The following ADAM32 variants were observed in gnomAD, a reference collection of about 807,000 sequenced individuals.
ADAM32 encodes the protein ADAM metallopeptidase domain 32.
In ADAM32, 89 loss-of-function variants were observed where a neutral mutation model predicts 114.9. The ratio of observed to expected loss-of-function variants is 0.77; its 90% CI spans 0.65 to 0.92. The LOEUF (loss-of-function observed/expected upper bound fraction) is 0.92. ADAM32 is among the 40% of genes least tolerant of loss of function. The pLI is 0.00. For synonymous variants in ADAM32, 285 were observed against 307.5 expected (o/e 0.93, Z 0.77); for missense variants, 870 against 932.8 (o/e 0.93, Z 0.88).
intron 4 of ADAM32, among the ~76,000 whole-genome samples, chr8:39,148,477 T>A (rs1209201367): frequency 4.7e-5 from 1 of 21,384 alleles, no homozygotes; most frequent in Non-Finnish European, 8.3e-5. Flanking sequence ...TCTATTTCCT[T>A]TACCTTTTTT....
chr8:39,229,713 G>A (rs1809611691), intron 14 of ADAM32, among the ~76,000 whole-genome samples: 4 of 152,192 alleles, frequency 2.6e-5, no homozygotes, highest in South Asian at 4.2e-4. Flanking sequence ...ATTACTAATA[G>A]ATCTAAGAAA....
chr8:39,232,768 T>C (rs1809833132), intron 15 of ADAM32, among the ~76,000 whole-genome samples: 1 of 152,218 alleles, frequency 6.6e-6, no homozygotes, highest in Non-Finnish European at 1.5e-5. Flanking sequence ...GAAGTTTTTC[T>C]TAACTGTGAA....
At chr8:39,191,297 G>T (rs10112465) in intron 11 of ADAM32, among the ~76,000 whole-genome samples, 1 of 151,940 alleles carries the variant, frequency 6.6e-6, no homozygotes, top group Admixed American at 6.5e-5. Flanking sequence ...TTGAATGGTC[G>T]TTCTATTTTT....
chr8:39,238,933 C>T (rs1224813984), intron 16 of ADAM32, among the ~76,000 whole-genome samples: 4 of 151,778 alleles, frequency 2.6e-5, no homozygotes, highest in Non-Finnish European at 5.9e-5. Context: ...TGTTAAATAA[C>T]CAAACTAAGA....
chr8:39,210,927 G>C (rs972960300), intron 11 of ADAM32, among the ~76,000 whole-genome samples: 2 of 152,042 alleles, frequency 1.3e-5, no homozygotes, highest in Non-Finnish European at 2.9e-5. Flanking sequence ...GTGTGTGTGT[G>C]TTGCTATTGA....
In ADAM32 at chr8:39,136,637, A is replaced by T. The variant is rs1211719866; in HGVS notation, c.139-20A>T. 4.8e-6 allele frequency: 7 copies of T among 1,472,686 alleles called. No homozygotes were observed. Among genetic ancestry groups the T allele is most frequent in the Non-Finnish European group, 1.8e-6 (2 of 1,092,552 alleles). 91.2% of individuals were successfully genotyped at this position (1,472,686 alleles called of 1,614,324 possible). On this transcript the variant is annotated intron_variant, in intron 2 of 24. Coordinates refer to ENST00000379907, the MANE Select transcript of ADAM32 (RefSeq NM_145004.7). Reference sequence around the variant, plus strand: ...TTGTATTAAATTTGTCTTCACTCTCAGTTGTTTTGAATTCTCTAGGAACAA... The same window carrying T: ...TTGTATTAAATTTGTCTTCACTCTCTGTTGTTTTGAATTCTCTAGGAACAA...
At chr8:39,259,127 A>G (rs1209120884) in intron 19 of ADAM32, among the ~76,000 whole-genome samples, 1 of 151,196 alleles carries the variant, frequency 6.6e-6, no homozygotes, top group Non-Finnish European at 1.5e-5. Flanking sequence ...GAAATTTGCC[A>G]TCCTACTTTT....
chr8:39,140,584 T>C (rs566312696), intron 3 of ADAM32, among the ~76,000 whole-genome samples: 5 of 152,342 alleles, frequency 3.3e-5, no homozygotes, highest in South Asian at 2.1e-4. Context: ...TTCGCATCGA[T>C]GTTCATCAGG....
intron 13 of ADAM32, 33 bp downstream of exon 13, chr8:39,221,735 A>G (rs773750952): frequency 2.0e-6 from 3 of 1,518,016 alleles, no homozygotes; most frequent in Non-Finnish European, 1.8e-6. Flanking sequence ...TCTTTCAAAT[A>G]TATAACAAAT....
intron 10 of ADAM32, among the ~76,000 whole-genome samples, chr8:39,182,008 C>G (rs746967330): frequency 2.0e-5 from 3 of 152,116 alleles, no homozygotes; most frequent in Non-Finnish European, 4.4e-5. Flanking sequence ...TACACTTTTA[C>G]AAAGCCACAA....
chr8:39,109,861 C>T (rs1840083625), intron 1 of ADAM32, among the ~76,000 whole-genome samples: 2 of 152,182 alleles, frequency 1.3e-5, no homozygotes, highest in Admixed American at 1.3e-4. Flanking sequence ...GTTTCACTGC[C>T]CTACAAATCC....
intron 1 of ADAM32, among the ~76,000 whole-genome samples, chr8:39,109,510 G>A (rs1840065623): frequency 1.3e-5 from 2 of 152,052 alleles, no homozygotes; most frequent in Non-Finnish European, 2.9e-5. Flanking sequence ...TGGCACCATC[G>A]CACTCCAGCC....
intron 19 of ADAM32, among the ~76,000 whole-genome samples, chr8:39,267,806 G>A (rs376132084): frequency 4.6e-5 from 7 of 152,328 alleles, no homozygotes; most frequent in East Asian, 1.9e-4. Context: ...GCAGGAATGC[G>A]GTTACACTGG....
chr8:39,252,302 G>A (rs1460777107), intron 17 of ADAM32, among the ~76,000 whole-genome samples: 1 of 150,708 alleles, frequency 6.6e-6, no homozygotes, highest in African/African-American at 2.4e-5. Context: ...AAAAGAAAGT[G>A]GGAAAACTTA....
At chr8:39,149,165 CTG>C (rs1172763374) in intron 4 of ADAM32, among the ~76,000 whole-genome samples, 2 of 152,086 alleles carry the variant, frequency 1.3e-5, no homozygotes, top group Non-Finnish European at 2.9e-5. Context: ...TTTTTTATAA[CTG>C]TAGATTTTTT....
intron 11 of ADAM32, among the ~76,000 whole-genome samples, chr8:39,206,893 C>CTGTG (rs902028802): frequency 6.6e-6 from 1 of 151,742 alleles, no homozygotes; most frequent in Admixed American, 6.6e-5. Flanking sequence ...TAGTATAGTG[C>CTGTG]TGTGTCAGCT....
intron 21 of ADAM32, among the ~76,000 whole-genome samples, chr8:39,275,148 G>A (rs1047711805): frequency 1.3e-5 from 2 of 152,188 alleles, no homozygotes; most frequent in Non-Finnish European, 2.9e-5. Flanking sequence ...CATTTCATGG[G>A]TGGTACAGCC....
chr8:39,241,545 T>G (rs1229565652), intron 16 of ADAM32, among the ~76,000 whole-genome samples: 1 of 152,228 alleles, frequency 6.6e-6, no homozygotes, highest in African/African-American at 2.4e-5. Flanking sequence ...TTGGCTTCTG[T>G]GCATCCACAG....
intron 7 of ADAM32, among the ~76,000 whole-genome samples, chr8:39,161,786 TA>T (rs1804521977): frequency 6.6e-6 from 1 of 152,022 alleles, no homozygotes; most frequent in Admixed American, 6.6e-5. Flanking sequence ...CTTGATTAAT[TA>T]GAGTACAGGG....
Sources: allele counts gnomAD v4.1 joint callset (sites outside exome capture counted in the v4.1 genomes callset), GRCh38; gene constraint gnomAD v4.1.1; transcripts MANE v1.5; gene names NCBI Gene and HGNC (gene_info 2026-07-23, HGNC 2026-07-21).